FBXO17: variants seen among roughly 807,000 people sequenced by gnomAD.
The protein encoded by FBXO17 is F-box protein 17, also known as F-box only protein 17.
A neutral mutation model predicts 34.1 loss-of-function variants in FBXO17; 43 were observed. The observed-to-expected ratio is 1.26, with a 90% CI of 0.99 to 1.62. The LOEUF is 1.62. FBXO17 is among the 40% of genes most tolerant of loss of function. The pLI, the probability that FBXO17 is intolerant of heterozygous loss-of-function variation, is 0.00. For synonymous variants in FBXO17, 169 were observed against 166.0 expected, an observed-to-expected ratio of 1.02 and a Z score of -0.14; for missense variants, 424 against 386.7, an observed-to-expected ratio of 1.10 and a Z score of -0.81.
chr19:38,948,038 A>G (rs1975012092), intron 3 of FBXO17, among the ~76,000 whole-genome samples: 1 of 130,228 alleles, frequency 7.7e-6, no homozygotes, highest in Non-Finnish European at 1.6e-5. Flanking sequence ...ACAGAGTCTC[A>G]TTCTGTCGCC....
chr19:38,949,986 T>G lies in FBXO17; in HGVS notation c.334A>C (p.Asn112His), dbSNP rs1380825250. The G allele has an allele frequency of 6.5e-7, 1 of 1,547,224 alleles. No individual in the cohort carries two copies. Among genetic ancestry groups the G allele is most frequent in the Non-Finnish European group, 8.7e-7 (1 of 1,147,952 alleles). Residue 112 changes from asparagine to histidine, a missense_variant, in exon 2 of 6, where the codon AAC becomes CAC. Asn to His is a moderately conservative substitution (Grantham distance 68, BLOSUM62 1). Coordinates refer to ENST00000292852, the MANE Select transcript of FBXO17 (RefSeq NM_024907.7). ...CGTCACCCACGCTCTCCGCAGGAGT[T>G]GAAGATGAGATTGCGGCCGAAGGGC... ...RAPFGRNLIF[N>H]SCGEQGFRGW...
intron 2 of FBXO17, among the ~76,000 whole-genome samples, chr19:38,949,534 AT>A (rs758914338): frequency 0.047 from 6,490 of 139,332 alleles, 242 homozygotes; most frequent in African/African-American, 0.11. Context: ...GCACCCCACC[AT>A]TTTTTTTTTT....
At position 38,952,644 on chromosome 19, in the gene FBXO17, C is replaced by A. The variant is rs113852586; in HGVS notation, c.-17-2308G>T. ...CTCCCTAATTTTAGCTCTGGGCTCA[C>A]GGCCGCTCCCGCTGCTCTTAGCATC... is the stretch of plus-strand genomic sequence containing the variant. On this transcript the variant is annotated intron_variant, in intron 1 of 5. Transcript: ENST00000292852. 2.0e-3 allele frequency: 1,074 copies of A among 533,942 alleles called. 6 individuals are homozygous for A. Among genetic ancestry groups the A allele is most frequent in the African/African-American group, 0.018 (959 of 52,058 alleles). 33.1% of individuals were successfully genotyped at this position (533,942 alleles called of 1,614,324 possible).
chr19:38,961,629 C>G (rs1190026214), intron 1 of FBXO17, among the ~76,000 whole-genome samples: 2 of 146,684 alleles, frequency 1.4e-5, no homozygotes, highest in Admixed American at 7.2e-5. Context: ...GCCAACCTCC[C>G]TACTCCCACC....
intron 1 of FBXO17, among the ~76,000 whole-genome samples, chr19:38,971,419 C>T (rs892286505): frequency 3.2e-4 from 48 of 152,260 alleles, no homozygotes; most frequent in African/African-American, 1.1e-3. Context: ...AAAAACTGAA[C>T]CTCTGGCACG....
intron 1 of FBXO17, among the ~76,000 whole-genome samples, chr19:38,963,106 C>T (rs141759838): frequency 3.2e-4 from 48 of 152,226 alleles, no homozygotes; most frequent in African/African-American, 1.1e-3. Context: ...ATTAAACAAT[C>T]GCTGTTTAAA....
At chr19:38,964,932 C>T (rs1277314401) in intron 1 of FBXO17, among the ~76,000 whole-genome samples, 1 of 152,094 alleles carries the variant, frequency 6.6e-6, no homozygotes, top group Non-Finnish European at 1.5e-5. Flanking sequence ...CCACAGAACA[C>T]AGAGTTCACA....
chr19:38,942,574 T>A lies in FBXO17; in HGVS notation c.*34A>T, dbSNP rs759489583. The A allele has an allele frequency of 1.3e-6, 2 of 1,514,238 alleles. No homozygotes were observed. The highest frequency in any genetic ancestry group is 2.7e-5 in the South Asian group (2 of 75,244). 93.8% of individuals were successfully genotyped at this position (1,514,238 alleles called of 1,614,324 possible). A position where few individuals can be genotyped will look rare whatever the true frequency, so the allele number is the denominator to read the frequency against. ...CCACTGCACCTGGCTGCAAGGCTGG[T>A]CTTGACTGACAACGTCAGGCAGTAG... On this transcript the variant is annotated 3_prime_UTR_variant, in exon 6 of 6. Transcript: ENST00000292852.
intron 1 of FBXO17, among the ~76,000 whole-genome samples, chr19:38,972,645 A>T (rs1041317152): frequency 6.6e-6 from 1 of 151,946 alleles, no homozygotes; most frequent in African/African-American, 2.4e-5. Flanking sequence ...TCTTTGTTTC[A>T]AAATAATCTT....
chr19:38,966,427 C>A (rs1440196107), intron 1 of FBXO17, among the ~76,000 whole-genome samples: 1 of 151,844 alleles, frequency 6.6e-6, no homozygotes, highest in Non-Finnish European at 1.5e-5. Flanking sequence ...CCTCAGCCAC[C>A]GAGCCTGGCC....
chr19:38,972,612 T>A (rs893526176), intron 1 of FBXO17, among the ~76,000 whole-genome samples: 3 of 152,260 alleles, frequency 2.0e-5, no homozygotes, highest in African/African-American at 7.2e-5. Context: ...TTTGTGCTAC[T>A]GTATACATGT....
chr19:38,942,587 C>T lies in FBXO17; in HGVS notation c.*21G>A, dbSNP rs201740315. 2.4e-5 allele frequency: 36 copies of T among 1,528,176 alleles called. No individual in the cohort carries two copies. The highest frequency in any genetic ancestry group is 1.1e-4 in the African/African-American group (8 of 70,006). 94.7% of individuals were successfully genotyped at this position (1,528,176 alleles called of 1,614,324 possible). A position where few individuals can be genotyped will look rare whatever the true frequency, so the allele number is the denominator to read the frequency against. On this transcript the variant is annotated 3_prime_UTR_variant, in exon 6 of 6. Coordinates refer to ENST00000292852, the MANE Select transcript of FBXO17 (RefSeq NM_024907.7). ...CTGCAAGGCTGGTCTTGACTGACAA[C>T]GTCAGGCAGTAGTCCAGTCGCTAGG...
rs1974980607 is a variant in FBXO17 at position 38,946,211 on chromosome 19, G to A, written c.557+261C>T. 5.4e-6 allele frequency: 3 copies of A among 555,210 alleles called. No homozygotes were observed. The South Asian group carries it at 6.5e-5, about 12-fold the overall frequency. 34.4% of individuals were successfully genotyped at this position (555,210 alleles called of 1,614,324 possible). A position where few individuals can be genotyped will look rare whatever the true frequency, so the allele number is the denominator to read the frequency against. On this transcript the variant is annotated intron_variant, in intron 4 of 5. Transcript: ENST00000292852. Reference sequence around the variant, plus strand: ...AGGGGAGGTGTCTCGTTTCAGAGGGGTATCAAGCCAGTCAGTGGCCCCCTG... The same window carrying A: ...AGGGGAGGTGTCTCGTTTCAGAGGGATATCAAGCCAGTCAGTGGCCCCCTG...
intron 1 of FBXO17, among the ~76,000 whole-genome samples, chr19:38,963,620 G>C (rs1051176805): frequency 2.0e-5 from 3 of 152,094 alleles, no homozygotes; most frequent in African/African-American, 7.2e-5. Flanking sequence ...TCAATCAGTA[G>C]TCTATTCCTT....
At chr19:38,966,321 G>GTGTGTGTGT (rs1568445631) in intron 1 of FBXO17, among the ~76,000 whole-genome samples, 4 of 149,574 alleles carry the variant, frequency 2.7e-5, no homozygotes, top group East Asian at 2.0e-4. Context: ...GTGTGTGTGT[G>GTGTGTGTGT]GAGATGGGGT....
chr19:38,950,098 G>T lies in FBXO17; in HGVS notation c.222C>A (p.Leu74=). The change falls in exon 2 of 6, where the codon CTC becomes CTA. Residue 74 remains leucine (L), a synonymous_variant. Transcript: ENST00000292852. ...GCAGGCAGCGTTGAGCCACTGCGTAGAGTGCGCGGCCCTCGGCGCTGCGGT... is the reference window on the plus strand; with the variant it reads ...GCAGGCAGCGTTGAGCCACTGCGTATAGTGCGCGGCCCTCGGCGCTGCGGT... ...ARDRSAEGRA[L]YAVAQRCLPS... is the part of the protein sequence containing the mutation. 6.4e-7 allele frequency: 1 copy of T among 1,565,014 alleles called. No homozygotes were observed. The highest frequency in any genetic ancestry group is 1.4e-5 in the African/African-American group (1 of 73,738).
intron 1 of FBXO17, among the ~76,000 whole-genome samples, chr19:38,961,532 C>T (rs934877688): frequency 2.6e-5 from 4 of 152,074 alleles, no homozygotes; most frequent in African/African-American, 4.8e-5. Context: ...AACTCGGCCT[C>T]CCAAAGTGCT....
chr19:38,949,895 GA>G, intron 2 of FBXO17, 75 bp downstream of exon 2: 5 of 1,438,414 alleles, frequency 3.5e-6, no homozygotes, highest in Non-Finnish European at 4.6e-6. Context: ...ACATCTCTCA[GA>G]CTCTGTCCCG....
chr19:38,956,362 A>G (rs1975168083), intron 1 of FBXO17, among the ~76,000 whole-genome samples: 1 of 152,046 alleles, frequency 6.6e-6, no homozygotes, highest in Non-Finnish European at 1.5e-5. Flanking sequence ...TAAAACCTTA[A>G]TTTGTTTAAA....
Sources: allele counts gnomAD v4.1 joint callset (sites outside exome capture counted in the v4.1 genomes callset), GRCh38; gene constraint gnomAD v4.1.1; transcripts MANE v1.5; gene names NCBI Gene and HGNC (gene_info 2026-07-23, HGNC 2026-07-21).